EFHC2: variants seen among roughly 807,000 people sequenced by gnomAD.
EFHC2 encodes EF-hand domain containing 2.
In EFHC2, 18 loss-of-function variants were observed where a neutral mutation model predicts 52.7. The observed-to-expected ratio is 0.34, with a 90% confidence interval of 0.24 to 0.51. The LOEUF (loss-of-function observed/expected upper bound fraction) is 0.51, where lower values mean the gene tolerates loss of function less well. Ranked by LOEUF, EFHC2 falls within the 20% of genes least tolerant of loss-of-function variation. The pLI is 0.97. For missense variants in EFHC2, 513 were observed against 562.5 expected, an observed-to-expected ratio of 0.91 and a Z score of 0.89; for synonymous variants, 203 against 204.1, an observed-to-expected ratio of 0.99 and a Z score of 0.04.
chrX:44,195,959 A>G (rs12556371), intron 11 of EFHC2, among the ~76,000 whole-genome samples: 8,221 of 111,376 alleles, frequency 0.074, 272 homozygotes, highest in Admixed American at 0.17. Flanking sequence ...CTGTTGTCCA[A>G]CTTAAGAGTA....
chrX:44,289,612 TC>T (rs1323269773), intron 2 of EFHC2, among the ~76,000 whole-genome samples: 1 of 109,706 alleles, frequency 9.1e-6, no homozygotes, highest in Non-Finnish European at 1.9e-5. Flanking sequence ...ATTATTGATC[TC>T]TTTTTTATTT....
intron 2 of EFHC2, among the ~76,000 whole-genome samples, chrX:44,283,019 T>A (rs1364561895): frequency 1.8e-5 from 2 of 111,117 alleles, no homozygotes; most frequent in Non-Finnish European, 3.8e-5. Context: ...CAGTATGTTC[T>A]GCCCTGTCCT....
At chrX:44,238,895 A>G (rs2037339996) in intron 8 of EFHC2, among the ~76,000 whole-genome samples, 1 of 111,765 alleles carries the variant, frequency 8.9e-6, no homozygotes. Context: ...ACCTCCCAGA[A>G]CTAGAATATA....
intron 8 of EFHC2, among the ~76,000 whole-genome samples, chrX:44,241,488 A>T (rs1270551694): frequency 8.9e-6 from 1 of 112,355 alleles, no homozygotes; most frequent in Non-Finnish European, 1.9e-5. Flanking sequence ...TGAAATCTCT[A>T]TAGCAGGGGT....
intron 11 of EFHC2, among the ~76,000 whole-genome samples, chrX:44,212,384 C>G (rs2037106723): frequency 9.0e-6 from 1 of 111,476 alleles, no homozygotes; most frequent in South Asian, 3.8e-4. Context: ...AGACTTCTGG[C>G]AGAGAGAGTA....
At chrX:44,319,851 T>C (rs1004526256) in intron 1 of EFHC2, among the ~76,000 whole-genome samples, 61 of 112,807 alleles carry the variant, frequency 5.4e-4, no homozygotes, top group African/African-American at 1.7e-3. Context: ...ACAGCATGTA[T>C]GCTTCTAAAG....
intron 11 of EFHC2, among the ~76,000 whole-genome samples, chrX:44,201,734 A>G (rs2037007576): frequency 8.9e-6 from 1 of 112,068 alleles, no homozygotes; most frequent in Non-Finnish European, 1.9e-5. Flanking sequence ...AAAAAAACTG[A>G]CAATACCTAC....
intron 8 of EFHC2, 52 bp downstream of exon 8, chrX:44,242,068 AC>A: frequency 9.1e-7 from 1 of 1,095,362 alleles, no homozygotes; most frequent in Non-Finnish European, 1.2e-6. Context: ...TATGTTATAA[AC>A]CCCAAACACA....
intron 13 of EFHC2, among the ~76,000 whole-genome samples, chrX:44,173,998 G>A (rs759199472): frequency 8.9e-6 from 1 of 111,776 alleles, no homozygotes; most frequent in East Asian, 2.8e-4. Flanking sequence ...TGTGTGAAAG[G>A]CATTCAGATC....
At chrX:44,282,415 C>A (rs1215336450) in intron 2 of EFHC2, among the ~76,000 whole-genome samples, 11 of 98,356 alleles carry the variant, frequency 1.1e-4, no homozygotes, top group Non-Finnish European at 2.0e-4. Context: ...ACCAGCCTGG[C>A]CAACATGGTG....
intron 11 of EFHC2, among the ~76,000 whole-genome samples, chrX:44,220,091 C>G (rs928506290): frequency 3.6e-5 from 4 of 112,042 alleles, no homozygotes; most frequent in African/African-American, 9.7e-5. Context: ...GCATACTCCA[C>G]TAATAGCTTC....
At chrX:44,332,313 A>G (rs2038091914) in intron 1 of EFHC2, among the ~76,000 whole-genome samples, 1 of 111,200 alleles carries the variant, frequency 9.0e-6, no homozygotes, top group South Asian at 3.8e-4. Flanking sequence ...CATGCAATTG[A>G]CCTAAACTTC....
chrX:44,261,424 A>C, intron 3 of EFHC2, 126 bp from the exon 4 acceptor site: 1 of 553,897 alleles, frequency 1.8e-6, no homozygotes, highest in East Asian at 3.6e-5. Context: ...TCGTTCTAGG[A>C]AGCAGCATTA....
chrX:44,231,417 T>C (rs2037275631), intron 10 of EFHC2, among the ~76,000 whole-genome samples: 1 of 111,554 alleles, frequency 9.0e-6, no homozygotes. Context: ...TGAGACTTTC[T>C]CAGAGCTGTG....
At chrX:44,258,854 TA>T (rs1361486124) in intron 4 of EFHC2, among the ~76,000 whole-genome samples, 340 of 97,585 alleles carry the variant, frequency 3.5e-3, no homozygotes, top group Non-Finnish European at 2.7e-3. Context: ...AGACTCCATT[TA>T]AAAAAAAAAA....
At position 44,242,169 on chromosome X, in the gene EFHC2, T is replaced by C. The variant is rs369226079; in HGVS notation, c.1232A>G (p.Lys411Arg). 8.3e-7 allele frequency: 1 copy of C among 1,207,890 alleles called. No homozygotes were observed. The change falls in exon 8 of 15, where the codon AAG becomes AGG. Residue 411 changes from lysine to arginine, a missense_variant. Transcript: ENST00000420999. ...EDSLRNCIDLKPTPHRRNFKK... is the reference protein window; with the variant it reads ...EDSLRNCIDLRPTPHRRNFKK... ...GAAGTTCCTCCGATGAGGTGTGGGCTTGAGGTCTATGCAGTTACGGAGAGA... is the reference window on the plus strand; with the variant it reads ...GAAGTTCCTCCGATGAGGTGTGGGCCTGAGGTCTATGCAGTTACGGAGAGA...
At position 44,272,783 on chromosome X, in the gene EFHC2, G is replaced by T; in HGVS notation, c.285C>A (p.Thr95=). 8.6e-7 allele frequency: 1 copy of T among 1,166,452 alleles called. No homozygotes were observed. The highest frequency in any genetic ancestry group is 1.1e-6 in the Non-Finnish European group (1 of 871,000). The change falls in exon 3 of 15, where the codon ACC becomes ACA. Residue 95 remains threonine (T), a synonymous_variant. Transcript: ENST00000420999. ...LEEEVLDKSQ[T]NYRIRYYKIY... The stretch of plus-strand genomic sequence containing the variant: ...TTTTATAGTATCTTATTCTGTAGTT[G>T]GTTTGGCTTTTATCAAGTACTTCCT...
chrX:44,180,890 G>A (rs2036829494), intron 11 of EFHC2, among the ~76,000 whole-genome samples: 1 of 104,295 alleles, frequency 9.6e-6, no homozygotes, highest in Admixed American at 1.1e-4. Context: ...CCATGCCACT[G>A]TACTCCAGTC....
chrX:44,180,556 T>C (rs2036825823), intron 11 of EFHC2, among the ~76,000 whole-genome samples: 1 of 111,074 alleles, frequency 9.0e-6, no homozygotes, highest in African/African-American at 3.3e-5. Context: ...GCCTGGCACA[T>C]GGTGAAACCC....
Sources: allele counts gnomAD v4.1 joint callset (sites outside exome capture counted in the v4.1 genomes callset), GRCh38; gene constraint gnomAD v4.1.1; transcripts MANE v1.5; gene names NCBI Gene and HGNC (gene_info 2026-07-23, HGNC 2026-07-21).